ERBB4: variants seen among roughly 807,000 people sequenced by gnomAD.
The protein encoded by ERBB4 is receptor tyrosine-protein kinase erbB-4.
Under a neutral mutation model 158.0 loss-of-function variants are expected in ERBB4, and 42 were observed. The ratio of observed to expected loss-of-function variants is 0.27; its 90% CI spans 0.21 to 0.34. ERBB4 has a LOEUF of 0.34. Ranked by LOEUF, ERBB4 falls within the 10% of genes least tolerant of loss-of-function variation. ERBB4 has a pLI of 1.00. For synonymous variants in ERBB4, 583 were observed against 558.7 expected, an observed-to-expected ratio of 1.04 and a Z score of -0.61; for missense variants, 1,333 against 1,624.1, an observed-to-expected ratio of 0.82 and a Z score of 3.08.
At position 212,368,328 on chromosome 2, in the gene ERBB4, G is replaced by A. The variant is rs1008002635; in HGVS notation, c.82+170121C>T. 7.9e-5 allele frequency among the ~76,000 whole-genome samples: 12 copies of A among 152,242 alleles called. 1 individual carries two copies. Among genetic ancestry groups the A allele is most frequent in the Middle Eastern group, 6.8e-3 (2 of 294 alleles). On this transcript the variant is annotated intron_variant, in intron 1 of 27. Transcript: ENST00000342788. ...ATTCTAAGTGAAGTAACTCAGGAAT[G>A]GAAAATCAAACATTGTATGTTCTCA...
At chr2:211,640,486 G>A (rs1459947659) in intron 16 of ERBB4, among the ~76,000 whole-genome samples, 2 of 152,100 alleles carry the variant, frequency 1.3e-5, no homozygotes, top group Non-Finnish European at 2.9e-5. Flanking sequence ...TATTTTATAT[G>A]TGTTATGTCA....
chr2:212,151,870 AT>A (rs146629138), intron 1 of ERBB4, among the ~76,000 whole-genome samples: 3,845 of 152,162 alleles, frequency 0.025, 162 homozygotes, highest in African/African-American at 0.087. Context: ...GCTAAAAAAT[AT>A]TTTTTTAAGA....
intron 1 of ERBB4, among the ~76,000 whole-genome samples, chr2:212,322,770 T>C (rs577704780): frequency 6.6e-6 from 1 of 150,542 alleles, no homozygotes; most frequent in South Asian, 2.1e-4. Flanking sequence ...ATTTGAGAAA[T>C]TGGGGCTACA....
intron 3 of ERBB4, among the ~76,000 whole-genome samples, chr2:211,789,047 G>T (rs773336856): frequency 6.6e-6 from 1 of 151,976 alleles, no homozygotes; most frequent in Non-Finnish European, 1.5e-5. Flanking sequence ...ATTCTCTTTC[G>T]GATAGCTTTA....
chr2:211,849,986 A>G (rs2077679344), intron 3 of ERBB4, among the ~76,000 whole-genome samples: 1 of 151,954 alleles, frequency 6.6e-6, no homozygotes, highest in Non-Finnish European at 1.5e-5. Flanking sequence ...ATATATACAG[A>G]ATTGACCAAA....
intron 1 of ERBB4, among the ~76,000 whole-genome samples, chr2:212,441,011 A>G (rs1214703007): frequency 2.0e-5 from 3 of 152,174 alleles, no homozygotes; most frequent in African/African-American, 7.2e-5. Flanking sequence ...AATTGTGGAA[A>G]AATAGACATG....
chr2:211,934,010 T>A (rs1445260276), intron 3 of ERBB4, among the ~76,000 whole-genome samples: 1 of 152,018 alleles, frequency 6.6e-6, no homozygotes, highest in African/African-American at 2.4e-5. Flanking sequence ...CTGGAAATAA[T>A]TAGTTAGAGG....
intron 2 of ERBB4, among the ~76,000 whole-genome samples, chr2:212,018,054 T>C (rs1324512461): frequency 6.6e-6 from 1 of 152,130 alleles, no homozygotes; most frequent in African/African-American, 2.4e-5. Flanking sequence ...AATTTAGGGC[T>C]AAAGAAATAT....
Position 212,386,590 on chromosome 2 carries a change from C to A in ERBB4, c.82+151859G>T, listed in dbSNP as rs566775556. ...TCTTTCTTAAAAAAAAAAAAAAAAA[C>A]CCATTAACTTTCATTACCTTCTCCT... On this transcript the variant is annotated intron_variant, in intron 1 of 27. Coordinates refer to ENST00000342788, the MANE Select transcript of ERBB4 (RefSeq NM_005235.3). 1.3e-3 allele frequency among the ~76,000 whole-genome samples: 188 copies of A among 145,876 alleles called. 2 individuals carry two copies. Among genetic ancestry groups the A allele is most frequent in the African/African-American group, 3.6e-3 (145 of 39,758 alleles).
intron 20 of ERBB4, among the ~76,000 whole-genome samples, chr2:211,496,081 C>T (rs954632734): frequency 5.3e-5 from 8 of 152,040 alleles, no homozygotes; most frequent in African/African-American, 1.2e-4. Flanking sequence ...TTGATTCAGT[C>T]CAGTTTTCCT....
chr2:211,933,749 G>T (rs1285680651), intron 3 of ERBB4, among the ~76,000 whole-genome samples: 1 of 151,898 alleles, frequency 6.6e-6, no homozygotes, highest in Non-Finnish European at 1.5e-5. Context: ...ACTCAGTTTC[G>T]AAATGAGAGA....
chr2:211,798,888 C>T (rs2076440117), intron 3 of ERBB4, among the ~76,000 whole-genome samples: 1 of 152,148 alleles, frequency 6.6e-6, no homozygotes, highest in South Asian at 2.1e-4. Context: ...AACTTACTAT[C>T]TTTCCCACAC....
intron 3 of ERBB4, among the ~76,000 whole-genome samples, chr2:211,861,030 ATATAATATATTTATATATTT>A (rs1559585243): frequency 1.8e-3 from 15 of 8,338 alleles, no homozygotes; most frequent in African/African-American, 5.4e-3. Context: ...ATATATATAA[ATATAATATATTTATATATTT>A]ATATATATAT....
At chr2:211,815,792 A>C (rs2076870169) in intron 3 of ERBB4, among the ~76,000 whole-genome samples, 1 of 152,162 alleles carries the variant, frequency 6.6e-6, no homozygotes, top group Admixed American at 6.5e-5. Context: ...GCAACATATA[A>C]TCATCTGCCA....
Position 212,221,451 on chromosome 2 carries a change from T to C in ERBB4, c.83-96548A>G, listed in dbSNP as rs375811906. ...ACATAAGGTATAGGTATCAGTCACCTAATGGTATGGCAGCAGTCAGGTTTG... is the reference window on the plus strand; with the variant it reads ...ACATAAGGTATAGGTATCAGTCACCCAATGGTATGGCAGCAGTCAGGTTTG... On this transcript the variant is annotated intron_variant, in intron 1 of 27. Transcript: ENST00000342788. Among the ~76,000 whole-genome samples the C allele has an allele frequency of 3.3e-5, 5 of 151,660 alleles. No homozygotes were observed. In the South Asian group the frequency reaches 1.0e-3, roughly 31 times the overall value.
At chr2:211,848,601 C>A (rs2077645921) in intron 3 of ERBB4, among the ~76,000 whole-genome samples, 1 of 151,966 alleles carries the variant, frequency 6.6e-6, no homozygotes, top group Admixed American at 6.6e-5. Flanking sequence ...GAAGGGAGAA[C>A]AATCTTGAAC....
intron 3 of ERBB4, among the ~76,000 whole-genome samples, chr2:211,805,294 C>CT (rs76536952): frequency 0.43 from 65,125 of 151,944 alleles, 14,619 homozygotes; most frequent in Middle Eastern, 0.53. Context: ...TCCTCAAATC[C>CT]TTTTTTGTTT....
chr2:212,312,275 A>AGG (rs1164965527), intron 1 of ERBB4, among the ~76,000 whole-genome samples: 4 of 151,120 alleles, frequency 2.6e-5, no homozygotes, highest in African/African-American at 9.7e-5. Flanking sequence ...CTCAATATGA[A>AGG]CATTGTAAAG....
intron 13 of ERBB4, 94 bp from the exon 14 acceptor site, chr2:211,673,351 A>C (rs1261261313): frequency 4.5e-6 from 4 of 882,282 alleles, no homozygotes; most frequent in Non-Finnish European, 7.6e-6. Context: ...TTGGCAGAGT[A>C]AATTCTAAAG....
Sources: allele counts gnomAD v4.1 joint callset (sites outside exome capture counted in the v4.1 genomes callset), GRCh38; gene constraint gnomAD v4.1.1; transcripts MANE v1.5; gene names NCBI Gene and HGNC (gene_info 2026-07-23, HGNC 2026-07-21).